CHRM3: variants seen among roughly 807,000 people sequenced by gnomAD.
CHRM3 encodes cholinergic receptor muscarinic 3.
A neutral mutation model predicts 41.8 loss-of-function variants in CHRM3; 11 were observed. That is an observed-to-expected ratio of 0.26 (90% CI 0.17 to 0.44). The LOEUF (loss-of-function observed/expected upper bound fraction) is 0.44, where lower values mean the gene tolerates loss of function less well. Ranked by LOEUF, CHRM3 falls within the 20% of genes least tolerant of loss-of-function variation. The probability of loss-of-function intolerance (pLI) is 1.00; values close to 1 mark genes in which losing one functional copy is unlikely to be tolerated. For synonymous variants in CHRM3, 297 were observed against 301.4 expected, an observed-to-expected ratio of 0.99 and a Z score of 0.15; for missense variants, 571 against 745.4, an observed-to-expected ratio of 0.77 and a Z score of 2.72.
At chr1:239,745,088 G>A (rs1665231473) in intron 5 of CHRM3, among the ~76,000 whole-genome samples, 1 of 152,098 alleles carries the variant, frequency 6.6e-6, no homozygotes, top group African/African-American at 2.4e-5. Flanking sequence ...TGGTGATGAG[G>A]TCAGAGAAAC....
chr1:239,797,476 G>A (rs983175026), intron 5 of CHRM3, among the ~76,000 whole-genome samples: 6 of 151,738 alleles, frequency 4.0e-5, no homozygotes, highest in Non-Finnish European at 5.9e-5. Flanking sequence ...ATATGAAAGT[G>A]GCTAGGCCCA....
chr1:239,800,870 A>G (rs1176578686), intron 5 of CHRM3, among the ~76,000 whole-genome samples: 1 of 150,752 alleles, frequency 6.6e-6, no homozygotes, highest in Non-Finnish European at 1.5e-5. Context: ...AATATAAACT[A>G]TAAAAAAGTA....
At chr1:239,861,447 GT>G (rs1405027377) in intron 6 of CHRM3, among the ~76,000 whole-genome samples, 4 of 152,060 alleles carry the variant, frequency 2.6e-5, no homozygotes, top group African/African-American at 9.7e-5. Flanking sequence ...AGACGATATG[GT>G]AAAAAAGAAA....
At chr1:239,630,040 G>A (rs996245429) in intron 3 of CHRM3, among the ~76,000 whole-genome samples, 1 of 152,174 alleles carries the variant, frequency 6.6e-6, no homozygotes, top group Non-Finnish European at 1.5e-5. Flanking sequence ...ATGAAAGCCA[G>A]TTCCTTTGCT....
chr1:239,682,295 A>G (rs1269628784), intron 5 of CHRM3, among the ~76,000 whole-genome samples: 1 of 152,178 alleles, frequency 6.6e-6, no homozygotes, highest in African/African-American at 2.4e-5. Flanking sequence ...CATTTTAGGA[A>G]TTTCTTTGAA....
At chr1:239,640,169 G>GT (rs1462339614) in intron 4 of CHRM3, among the ~76,000 whole-genome samples, 5 of 151,754 alleles carry the variant, frequency 3.3e-5, no homozygotes, top group Non-Finnish European at 7.4e-5. Context: ...CGGTTTGCCA[G>GT]TATTTTATTG....
intron 5 of CHRM3, among the ~76,000 whole-genome samples, chr1:239,687,732 A>G (rs1395673989): frequency 6.6e-6 from 1 of 152,150 alleles, no homozygotes; most frequent in African/African-American, 2.4e-5. Flanking sequence ...TACTGTTTCT[A>G]TGTTCAGATA....
rs144886273 is a variant in CHRM3, at chr1:239,473,020, G to A, written c.-520-19689G>A. On this transcript the variant is annotated intron_variant, in intron 1 of 6. Coordinates refer to ENST00000676153, the MANE Select transcript of CHRM3 (RefSeq NM_001375978.1). ...AGAAATCTTGATGTGTGACAAATTA[G>A]CATTTAAAAAGAACAGTTTTTTTAA... Among the ~76,000 whole-genome samples, 1,364 of 152,072 alleles carry A rather than the reference G, an allele frequency of 9.0e-3. 28 individuals are homozygous for A. The highest frequency in any genetic ancestry group is 0.031 in the African/African-American group (1,302 of 41,490).
At chr1:239,834,910 G>A (rs1572438711) in intron 6 of CHRM3, among the ~76,000 whole-genome samples, 1 of 152,018 alleles carries the variant, frequency 6.6e-6, no homozygotes, top group Non-Finnish European at 1.5e-5. Flanking sequence ...TAAATATATT[G>A]AGGCTGAAGT....
chr1:239,857,992 AT>A (rs1675266299), intron 6 of CHRM3, among the ~76,000 whole-genome samples: 1 of 152,144 alleles, frequency 6.6e-6, no homozygotes, highest in African/African-American at 2.4e-5. Context: ...ATTGATATAT[AT>A]TATTAATTAA....
At chr1:239,518,509 T>A (rs930851970) in intron 2 of CHRM3, among the ~76,000 whole-genome samples, 14 of 152,156 alleles carry the variant, frequency 9.2e-5, no homozygotes, top group Admixed American at 9.2e-4. Flanking sequence ...AGAAAACAAA[T>A]ATGACCAAAG....
chr1:239,526,799 C>G (rs1670024457), intron 2 of CHRM3, among the ~76,000 whole-genome samples: 1 of 152,120 alleles, frequency 6.6e-6, no homozygotes, highest in South Asian at 2.1e-4. Context: ...GAATAATTAA[C>G]TTTCATTGCA....
At chr1:239,575,308 T>C (rs370668467) in intron 3 of CHRM3, among the ~76,000 whole-genome samples, 33 of 152,288 alleles carry the variant, frequency 2.2e-4, no homozygotes, top group African/African-American at 7.9e-4. Flanking sequence ...CCTCTTTCAG[T>C]TGAGCAGCCT....
At chr1:239,412,401 A>G (rs1661169250) in intron 1 of CHRM3, among the ~76,000 whole-genome samples, 1 of 44,932 alleles carries the variant, frequency 2.2e-5, no homozygotes, top group African/African-American at 8.9e-5. Flanking sequence ...TGGTTCCTCC[A>G]GTCAGCACTG....
intron 1 of CHRM3, among the ~76,000 whole-genome samples, chr1:239,436,745 A>T (rs1558222999): frequency 6.6e-6 from 1 of 152,066 alleles, no homozygotes; most frequent in Non-Finnish European, 1.5e-5. Flanking sequence ...AGTAATTGAC[A>T]GCTACTTTTC....
At chr1:239,535,607 G>A (rs530019330) in intron 2 of CHRM3, among the ~76,000 whole-genome samples, 163 of 151,700 alleles carry the variant, frequency 1.1e-3, no homozygotes, top group Non-Finnish European at 1.7e-3. Context: ...TCAGGCTTTT[G>A]TGTTGCTCTT....
chr1:239,734,332 T>G (rs893871478), intron 5 of CHRM3, among the ~76,000 whole-genome samples: 2 of 152,122 alleles, frequency 1.3e-5, no homozygotes, highest in Non-Finnish European at 1.5e-5. Context: ...CAGAGCCAAC[T>G]TGAAAGGACT....
At chr1:239,637,798 G>A (rs1670646663) in intron 4 of CHRM3, among the ~76,000 whole-genome samples, 1 of 148,426 alleles carries the variant, frequency 6.7e-6, no homozygotes, top group African/African-American at 2.5e-5. Context: ...TAAGTTTTAG[G>A]GTACATGTGC....
intron 3 of CHRM3, among the ~76,000 whole-genome samples, chr1:239,591,619 A>G (rs1347676835): frequency 6.6e-6 from 1 of 151,906 alleles, no homozygotes; most frequent in African/African-American, 2.4e-5. Flanking sequence ...AAAAAAAAAA[A>G]GAAACAAGAT....
Sources: allele counts gnomAD v4.1 joint callset (sites outside exome capture counted in the v4.1 genomes callset), GRCh38; gene constraint gnomAD v4.1.1; transcripts MANE v1.5; gene names NCBI Gene and HGNC (gene_info 2026-07-23, HGNC 2026-07-21).